The following CFDP1 variants were observed in gnomAD, a reference collection of about 807,000 sequenced individuals.
CFDP1 encodes heterochromatin-stabilizing protein CFDP1.
Under a neutral mutation model 40.1 loss-of-function variants are expected in CFDP1, and 31 were observed. The observed-to-expected ratio is 0.77, with a 90% confidence interval of 0.58 to 1.04. The LOEUF (loss-of-function observed/expected upper bound fraction) is 1.04, where lower values mean the gene tolerates loss of function less well. CFDP1 is among the 50% of genes least tolerant of loss of function. CFDP1 has a pLI of 0.00. For synonymous variants in CFDP1, 167 were observed against 120.0 expected, an observed-to-expected ratio of 1.39 and a Z score of -2.56; for missense variants, 423 against 343.4, an observed-to-expected ratio of 1.23 and a Z score of -1.83.
intron 5 of CFDP1, among the ~76,000 whole-genome samples, chr16:75,339,576 T>C (rs2151519673): frequency 6.6e-6 from 1 of 152,280 alleles, no homozygotes; most frequent in South Asian, 2.1e-4. Context: ...ACTGCCAATC[T>C]CCATCGGTTA....
At chr16:75,364,416 G>A (rs761370080) in intron 5 of CFDP1, among the ~76,000 whole-genome samples, 1 of 152,132 alleles carries the variant, frequency 6.6e-6, no homozygotes. Context: ...GGACCCCAGA[G>A]AGATGGGAGA....
At chr16:75,361,553 G>A (rs1359248592) in intron 5 of CFDP1, among the ~76,000 whole-genome samples, 1 of 152,068 alleles carries the variant, frequency 6.6e-6, no homozygotes, top group Non-Finnish European at 1.5e-5. Flanking sequence ...GGAGGCGGAG[G>A]TTGCTGTGAG....
At position 75,393,737 on chromosome 16, in the gene CFDP1, C is replaced by CA. The variant is rs61344775; in HGVS notation, c.650+1352dup. 1.3e-3 allele frequency among the ~76,000 whole-genome samples: 105 copies of CA among 80,588 alleles called. 6 individuals carry two copies. The highest frequency in any genetic ancestry group is 2.2e-3 in the South Asian group (5 of 2,300). 52.9% of individuals were successfully genotyped at this position (80,588 alleles called of 152,430 possible). A position where few individuals can be genotyped will look rare whatever the true frequency, so the allele number is the denominator to read the frequency against. On this transcript the variant is annotated intron_variant, in intron 5 of 6. Coordinates refer to ENST00000283882, the MANE Select transcript of CFDP1 (RefSeq NM_006324.3). Reference sequence around the variant, plus strand: ...TGGGCGACAGAGCGAGACTCCGTCGCAAAAAAAAAAAAAAAAAAAAAAAAA... The same window carrying CA: ...TGGGCGACAGAGCGAGACTCCGTCGCAAAAAAAAAAAAAAAAAAAAAAAAAA...
intron 4 of CFDP1, among the ~76,000 whole-genome samples, chr16:75,399,266 A>G (rs973982415): frequency 3.3e-5 from 5 of 152,168 alleles, no homozygotes; most frequent in Non-Finnish European, 5.9e-5. Context: ...AATAACCAAA[A>G]TAAACCCACA....
intron 5 of CFDP1, among the ~76,000 whole-genome samples, chr16:75,375,593 A>G (rs1470417906): frequency 6.6e-6 from 1 of 152,040 alleles, no homozygotes; most frequent in Non-Finnish European, 1.5e-5. Flanking sequence ...GGAGTTCAAG[A>G]CCACTCTGAC....
intron 5 of CFDP1, among the ~76,000 whole-genome samples, chr16:75,324,321 T>G (rs773687487): frequency 6.6e-6 from 1 of 152,244 alleles, no homozygotes; most frequent in Non-Finnish European, 1.5e-5. Flanking sequence ...GGCACTGAGA[T>G]GTGTGTGAAT....
intron 6 of CFDP1, among the ~76,000 whole-genome samples, chr16:75,302,278 T>G (rs1414709415): frequency 2.0e-5 from 3 of 152,164 alleles, no homozygotes; most frequent in Admixed American, 6.5e-5. Flanking sequence ...TTTTATTTTT[T>G]GGGCCAGGGT....
rs893711424 is a variant in CFDP1 at position 75,319,522 on chromosome 16, G to A, written c.651-14340C>T. On this transcript the variant is annotated intron_variant, in intron 5 of 6. Transcript: ENST00000283882. ...TGAAGGTCATTTTTCAGCACTTAGC[G>A]CTCCTGCTAGGGTCCTGACTCCCAA... 2.6e-4 allele frequency among the ~76,000 whole-genome samples: 39 copies of A among 152,052 alleles called. 1 individual carries two copies. Among genetic ancestry groups the A allele is most frequent in the Non-Finnish European group, 5.9e-5 (4 of 68,020 alleles).
chr16:75,388,528 C>G (rs1338994210), intron 5 of CFDP1, among the ~76,000 whole-genome samples: 2 of 152,090 alleles, frequency 1.3e-5, no homozygotes, highest in Non-Finnish European at 2.9e-5. Context: ...AGGGCAAACC[C>G]CATCTACTCT....
intron 5 of CFDP1, among the ~76,000 whole-genome samples, chr16:75,326,229 T>G (rs1343544991): frequency 6.6e-6 from 1 of 152,210 alleles, no homozygotes; most frequent in Non-Finnish European, 1.5e-5. Flanking sequence ...CTGGCGACAC[T>G]GCAGCCGGGT....
At chr16:75,409,546 T>A (rs1042451794) in intron 4 of CFDP1, 6 of 152,218 alleles carry the variant, frequency 3.9e-5, no homozygotes, top group Non-Finnish European at 7.3e-5. Flanking sequence ...ACTGGTCTGC[T>A]ATAGATTGAA....
chr16:75,327,796 T>C (rs1278211757), intron 5 of CFDP1, among the ~76,000 whole-genome samples: 2 of 152,110 alleles, frequency 1.3e-5, no homozygotes, highest in African/African-American at 2.4e-5. Context: ...CGTTCTTGGC[T>C]CACTGCAAGC....
At chr16:75,341,018 T>G (rs190880185) in intron 5 of CFDP1, among the ~76,000 whole-genome samples, 2 of 152,178 alleles carry the variant, frequency 1.3e-5, no homozygotes, top group Non-Finnish European at 2.9e-5. Flanking sequence ...AATATTTTCA[T>G]GATGACCATT....
intron 1 of CFDP1, among the ~76,000 whole-genome samples, chr16:75,431,853 G>C (rs919751348): frequency 6.6e-6 from 1 of 151,464 alleles, no homozygotes; most frequent in African/African-American, 2.4e-5. Context: ...AAGGTGGAAA[G>C]AAGTTTCTCC....
intron 5 of CFDP1, chr16:75,325,181 G>C (rs2078393424): frequency 6.6e-6 from 1 of 152,352 alleles, no homozygotes; most frequent in Admixed American, 6.5e-5. Context: ...CAACAGCCTT[G>C]AGGGCCCTAG....
intron 6 of CFDP1, among the ~76,000 whole-genome samples, chr16:75,294,932 C>T (rs2078171997): frequency 6.6e-6 from 1 of 152,218 alleles, no homozygotes; most frequent in Non-Finnish European, 1.5e-5. Flanking sequence ...TAATGAGACA[C>T]AGCTGCATCT....
chr16:75,314,252 G>GT (rs1163225453), intron 5 of CFDP1, among the ~76,000 whole-genome samples: 1 of 152,130 alleles, frequency 6.6e-6, no homozygotes, highest in Non-Finnish European at 1.5e-5. Flanking sequence ...TTCAATGGCA[G>GT]TAAGATAAGT....
intron 5 of CFDP1, among the ~76,000 whole-genome samples, chr16:75,349,011 G>A (rs879801286): frequency 1.3e-5 from 2 of 151,954 alleles, no homozygotes; most frequent in African/African-American, 2.4e-5. Context: ...GGACTACAGG[G>A]GCATGCCACC....
chr16:75,313,129 GTTGT>G (rs887152452), intron 5 of CFDP1, among the ~76,000 whole-genome samples: 10 of 152,178 alleles, frequency 6.6e-5, no homozygotes, highest in African/African-American at 2.4e-4. Flanking sequence ...AGAGTAACGT[GTTGT>G]TTGTGTTTAT....
Sources: allele counts gnomAD v4.1 joint callset (sites outside exome capture counted in the v4.1 genomes callset), GRCh38; gene constraint gnomAD v4.1.1; transcripts MANE v1.5; gene names NCBI Gene and HGNC (gene_info 2026-07-23, HGNC 2026-07-21).